UCP1: variants seen among roughly 807,000 people sequenced by gnomAD.
UCP1 encodes mitochondrial brown fat uncoupling protein 1.
Under a neutral mutation model 26.2 loss-of-function variants are expected in UCP1, and 24 were observed. The observed-to-expected ratio is 0.92, with a 90% CI of 0.66 to 1.29. The LOEUF (loss-of-function observed/expected upper bound fraction) is 1.29. Among genes scored for constraint, UCP1 ranks in the 50% most tolerant of loss-of-function variants. The probability of loss-of-function intolerance (pLI) is 0.00; values close to 1 mark genes in which losing one functional copy is unlikely to be tolerated. For missense variants in UCP1, 402 were observed against 388.7 expected, an observed-to-expected ratio of 1.03 and a Z score of -0.29; for synonymous variants, 164 against 156.8, an observed-to-expected ratio of 1.05 and a Z score of -0.34.
chr4:140,559,820 G>A lies in UCP1; in HGVS notation c.*76C>T. 1 of 1,324,902 alleles carries A rather than the reference G, an allele frequency of 7.5e-7. No homozygotes were observed. The allele number at this position is 1,324,902 out of a possible 1,614,324, so 82.1% of individuals were successfully genotyped here. A position where few individuals can be genotyped will look rare whatever the true frequency, so the allele number is the denominator to read the frequency against. ...TTTATCTTTTTAGGTTAAAATAAGT[G>A]AATAAGTTTTGTTTGTTTTTATGAT... On this transcript the variant is annotated 3_prime_UTR_variant, in exon 6 of 6. Coordinates refer to ENST00000262999, the MANE Select transcript of UCP1 (RefSeq NM_021833.5).
chr4:140,559,563 C>T lies in UCP1; in HGVS notation c.*333G>A. 4.6e-6 allele frequency: 1 copy of T among 217,822 alleles called. No homozygotes were observed. The allele number at this position is 217,822 out of a possible 1,614,324, so 13.5% of individuals were successfully genotyped here. A position where few individuals can be genotyped will look rare whatever the true frequency, so the allele number is the denominator to read the frequency against. ...TGCATTTCACTCAGTTTCTTTTCCACCAGTTGGAATTGTAATTAAAACATG... is the reference window on the plus strand; with the variant it reads ...TGCATTTCACTCAGTTTCTTTTCCATCAGTTGGAATTGTAATTAAAACATG... On this transcript the variant is annotated 3_prime_UTR_variant, in exon 6 of 6. Transcript: ENST00000262999.
Position 140,563,228 on chromosome 4 carries a change from A to AT in UCP1, c.527-18_527-17insA. ...GAGTAGTCCCTGGGGAAAAAAAAAA[A>AT]GAAAATGTTTATTAACTCTACTTTA... On this transcript the variant is annotated splice_polypyrimidine_tract_variant and intron_variant, in intron 3 of 5. Transcript: ENST00000262999. 3 of 1,608,270 alleles carry AT rather than the reference A, an allele frequency of 1.9e-6. No individual in the cohort carries two copies. The highest frequency in any genetic ancestry group is 2.6e-6 in the Non-Finnish European group (3 of 1,175,336).
intron 2 of UCP1, among the ~76,000 whole-genome samples, chr4:140,564,470 A>C (rs1293561391): frequency 6.6e-6 from 1 of 152,230 alleles, no homozygotes; most frequent in Non-Finnish European, 1.5e-5. Flanking sequence ...TTTACTCAGC[A>C]GAGACTTTCT....
Position 140,568,753 on chromosome 4 carries a change from A to G in UCP1, c.-24T>C. On this transcript the variant is annotated 5_prime_UTR_variant, in exon 1 of 6. Transcript: ENST00000262999. ...ATCTTCACTCAGAGACTGGAGATGCAGAGGAAAAGGGCTCCAGCCCCGAAG... is the reference window on the plus strand; with the variant it reads ...ATCTTCACTCAGAGACTGGAGATGCGGAGGAAAAGGGCTCCAGCCCCGAAG... 2 of 1,569,408 alleles carry G rather than the reference A, an allele frequency of 1.3e-6. No homozygotes were observed. Among genetic ancestry groups the G allele is most frequent in the Non-Finnish European group, 1.7e-6 (2 of 1,161,316 alleles).
chr4:140,568,351 A>G (rs534984120), intron 1 of UCP1, among the ~76,000 whole-genome samples: 31 of 152,178 alleles, frequency 2.0e-4, no homozygotes, highest in Non-Finnish European at 4.1e-4. Flanking sequence ...AGTGCACCCT[A>G]AATTTTGGGA....
At chr4:140,562,147 CACAG>C in intron 5 of UCP1, 42 bp downstream of exon 5, 5 of 1,610,574 alleles carry the variant, frequency 3.1e-6, no homozygotes, top group Non-Finnish European at 4.2e-6. Context: ...TCCCAAAGCA[CACAG>C]ACAGCCAGAA....
rs543753428 is a variant in UCP1 at position 140,562,307 on chromosome 4, G to C, written c.695C>G (p.Pro232Arg). 2 of 1,614,074 alleles carry C rather than the reference G, an allele frequency of 1.2e-6. No homozygotes were observed. The highest frequency in any genetic ancestry group is 1.7e-6 in the Non-Finnish European group (2 of 1,180,000). The part of the protein sequence containing the change: ...AGFCATAMSS[P>R]VDVVKTRFIN... ...AAATCTGGTTTTTACTACATCCACCGGGGAGGACATAGCTGTTGCGCAAAA... is the reference window on the plus strand; with the variant it reads ...AAATCTGGTTTTTACTACATCCACCCGGGAGGACATAGCTGTTGCGCAAAA... Residue 232 changes from proline (P) to arginine (R), a missense_variant, in exon 5 of 6, where the codon CCG (proline) becomes CGG (arginine). Physicochemically the swap from Pro to Arg is moderately radical, Grantham distance 103 (BLOSUM62 -2). Transcript: ENST00000262999.
Position 140,567,945 on chromosome 4 carries a change from A to G in UCP1, c.159T>C (p.Ile53=), listed in dbSNP as rs1444190257. ...TTGTTCCCAGGACACCTTTATACCT[A>G]ATAACACTGGACGTCGGGCATTCAC... ...VQGECPTSSV[I]RYKGVLGTIT... Residue 53 remains isoleucine (I), a synonymous_variant, in exon 2 of 6, where the codon ATT becomes ATC. Transcript: ENST00000262999. 3.7e-6 allele frequency: 6 copies of G among 1,614,160 alleles called. No individual in the cohort carries two copies. The highest frequency in any genetic ancestry group is 4.2e-6 in the Non-Finnish European group (5 of 1,180,030).
Position 140,559,818 on chromosome 4 carries a change from G to T in UCP1, c.*78C>A. The T allele has an allele frequency of 7.6e-7, 1 of 1,310,704 alleles. No individual in the cohort carries two copies. The highest frequency in any genetic ancestry group is 1.1e-6 in the Non-Finnish European group (1 of 916,420). The allele number at this position is 1,310,704 out of a possible 1,614,324, so 81.2% of individuals were successfully genotyped here. A position where few individuals can be genotyped will look rare whatever the true frequency, so the allele number is the denominator to read the frequency against. On this transcript the variant is annotated 3_prime_UTR_variant, in exon 6 of 6. Coordinates refer to ENST00000262999, the MANE Select transcript of UCP1 (RefSeq NM_021833.5). ...CCTTTATCTTTTTAGGTTAAAATAA[G>T]TGAATAAGTTTTGTTTGTTTTTATG...
intron 1 of UCP1, 41 bp from the exon 2 acceptor site, chr4:140,568,018 G>C: frequency 6.2e-7 from 1 of 1,607,508 alleles, no homozygotes; most frequent in Non-Finnish European, 8.5e-7. Flanking sequence ...GAGCGAAATT[G>C]AGTTCACTCT....
Position 140,567,811 on chromosome 4 carries a change from GTGTCGTAGAGGCC to G in UCP1, c.280_292del (p.Gly94ArgfsTer16), listed in dbSNP as rs1560846092. 6.2e-7 allele frequency: 1 copy of G among 1,614,126 alleles called. No homozygotes were observed. The highest frequency in any genetic ancestry group is 1.1e-5 in the South Asian group (1 of 91,076). Reference sequence around the variant, plus strand: ...CCCTGCGGTGAGGAACTCCTGGACCGTGTCGTAGAGGCCGATCCTGAGAGAGGCGGAGCTGATT... The same window carrying G: ...CCCTGCGGTGAGGAACTCCTGGACCGGATCCTGAGAGAGGCGGAGCTGATT... On this transcript the variant is annotated frameshift_variant, in exon 2 of 6. Transcript: ENST00000262999. LOFTEE classifies it high-confidence loss of function.
intron 2 of UCP1, among the ~76,000 whole-genome samples, chr4:140,567,162 G>A (rs947073899): frequency 1.3e-5 from 2 of 152,208 alleles, no homozygotes; most frequent in African/African-American, 2.4e-5. Flanking sequence ...CAGGAAATAT[G>A]TTTCCTTTTC....
At position 140,562,209 on chromosome 4, in the gene UCP1, T is replaced by C. The variant is rs1442254703; in HGVS notation, c.793A>G (p.Thr265Ala). 6.2e-7 allele frequency: 1 copy of C among 1,614,140 alleles called. No homozygotes were observed. The highest frequency in any genetic ancestry group is 1.1e-5 in the South Asian group (1 of 91,084). The change falls in exon 5 of 6, where the codon ACG becomes GCG. Residue 265 changes from threonine to alanine, a missense_variant. Transcript: ENST00000262999. ...ATATCTTACCCCTTGAAGAAAGCCG[T>C]TGGTCCTTCGTTAGTGAACACTTTC... ...AMKVFTNEGP[T>A]AFFKGLVPSF...
chr4:140,562,307 G>A lies in UCP1; in HGVS notation c.695C>T (p.Pro232Leu), dbSNP rs543753428. The change falls in exon 5 of 6, where the codon CCG becomes CTG. Residue 232 changes from proline (P) to leucine (L), a missense_variant. Pro to Leu is a moderately conservative substitution (Grantham distance 98). Coordinates refer to ENST00000262999, the MANE Select transcript of UCP1 (RefSeq NM_021833.5). Reference protein sequence around the residue: ...AGFCATAMSSPVDVVKTRFIN... With the variant: ...AGFCATAMSSLVDVVKTRFIN... The stretch of plus-strand genomic sequence containing the variant: ...AAATCTGGTTTTTACTACATCCACC[G>A]GGGAGGACATAGCTGTTGCGCAAAA... 5.6e-6 allele frequency: 9 copies of A among 1,613,954 alleles called. No homozygotes were observed. The highest frequency in any genetic ancestry group is 5.3e-5 in the African/African-American group (4 of 74,888).
intron 2 of UCP1, among the ~76,000 whole-genome samples, chr4:140,564,143 C>T (rs980991845): frequency 4.6e-5 from 7 of 151,996 alleles, no homozygotes; most frequent in Admixed American, 2.6e-4. Context: ...CAGTATTATC[C>T]GACTGTGAGG....
chr4:140,559,897 T>G lies in UCP1; in HGVS notation c.923A>C (p.Ter308SerextTer6), dbSNP rs772882747. 1.2e-6 allele frequency: 2 copies of G among 1,612,248 alleles called. No homozygotes were observed. Among genetic ancestry groups the G allele is most frequent in the Non-Finnish European group, 1.7e-6 (2 of 1,178,330 alleles). Reference protein sequence around the residue: ...KSRQTMDCAT* With the variant: ...KSRQTMDCATS ...GTTACATCATTTTCTTGAAGCTGAT[T>G]ATGTGGCACAGTCCATAGTCTGCCT... Residue 308 changes from the stop codon to serine, a stop_lost, in exon 6 of 6, where the codon TAA becomes TCA. Coordinates refer to ENST00000262999, the MANE Select transcript of UCP1 (RefSeq NM_021833.5).
Position 140,568,673 on chromosome 4 carries a change from T to C in UCP1, c.57A>G (p.Ser19=), listed in dbSNP as rs1330010436. Residue 19 remains serine (S), a synonymous_variant, in exon 1 of 6, where the codon TCA becomes TCG. Coordinates refer to ENST00000262999, the MANE Select transcript of UCP1 (RefSeq NM_021833.5). ...VHPTLGVQLF[S]AGIAACLADV... Reference sequence around the variant, plus strand: ...CCGCCAAGCACGCCGCTATTCCAGCTGAGAAGAGCTGGACCCCCAGGGTCG... The same window carrying C: ...CCGCCAAGCACGCCGCTATTCCAGCCGAGAAGAGCTGGACCCCCAGGGTCG... 2.5e-6 allele frequency: 4 copies of C among 1,609,482 alleles called. No homozygotes were observed. In the African/African-American group the frequency reaches 5.3e-5, roughly 21 times the overall value.
chr4:140,565,846 A>G (rs1477540858), intron 2 of UCP1, among the ~76,000 whole-genome samples: 1 of 152,152 alleles, frequency 6.6e-6, no homozygotes, highest in East Asian at 1.9e-4. Flanking sequence ...TCTTGTAATT[A>G]CAGTTAGTCA....
chr4:140,568,000 A>G (rs1259207267), intron 1 of UCP1, 23 bp from the exon 2 acceptor site: 2 of 1,613,694 alleles, frequency 1.2e-6, no homozygotes, highest in Non-Finnish European at 1.7e-6. Context: ...AAGGTGCAGA[A>G]CAGAAGGGAG....
Sources: gnomAD v4.1 joint callset for allele counts (sites outside exome capture counted in the v4.1 genomes callset) on GRCh38, gnomAD v4.1.1 for gene constraint, MANE v1.5 for transcripts, NCBI Gene and HGNC (gene_info 2026-07-23, HGNC 2026-07-21) for gene names.